PCDH15: variants seen among roughly 807,000 people sequenced by gnomAD.
PCDH15 encodes the protein protocadherin-15.
In PCDH15, 129 loss-of-function variants were observed where a neutral mutation model predicts 178.5. The ratio of observed to expected loss-of-function variants is 0.72; its 90% CI spans 0.63 to 0.84. The LOEUF (loss-of-function observed/expected upper bound fraction) is 0.84, where lower values mean the gene tolerates loss of function less well. PCDH15 is among the 40% of genes least tolerant of loss of function. The pLI, the probability that PCDH15 is intolerant of heterozygous loss-of-function variation, is 0.00. For missense variants in PCDH15, 2,230 were observed against 2,099.9 expected (o/e 1.06, Z -1.21); for synonymous variants, 800 against 732.0 (o/e 1.09, Z -1.50).
At chr10:54,531,385 A>T (rs1275891224) in intron 2 of PCDH15, among the ~76,000 whole-genome samples, 1 of 152,208 alleles carries the variant, frequency 6.6e-6, no homozygotes, top group Non-Finnish European at 1.5e-5. Flanking sequence ...TATATTTAAA[A>T]ATATTCATAT....
At chr10:55,090,042 T>C (rs1842276052) in intron 2 of PCDH15, among the ~76,000 whole-genome samples, 1 of 152,012 alleles carries the variant, frequency 6.6e-6, no homozygotes, top group South Asian at 2.1e-4. Flanking sequence ...AATGAGTAGT[T>C]AAAAGATTAA....
At chr10:54,035,830 C>T (rs1349041199) in intron 18 of PCDH15, among the ~76,000 whole-genome samples, 1 of 151,898 alleles carries the variant, frequency 6.6e-6, no homozygotes, top group African/African-American at 2.4e-5. Context: ...GCCAGTTAGC[C>T]ACATTGTGAA....
At chr10:54,612,779 A>G (rs75092427) in intron 2 of PCDH15, among the ~76,000 whole-genome samples, 2 of 151,784 alleles carry the variant, frequency 1.3e-5, no homozygotes, top group Admixed American at 1.3e-4. Context: ...TTATTAATTT[A>G]CACAGTATAA....
intron 1 of PCDH15, among the ~76,000 whole-genome samples, chr10:55,310,209 G>T (rs1423168663): frequency 6.6e-6 from 1 of 151,790 alleles, no homozygotes; most frequent in East Asian, 1.9e-4. Flanking sequence ...TTATAAGTCA[G>T]CCTTCTCCTC....
intron 9 of PCDH15, among the ~76,000 whole-genome samples, chr10:54,219,893 A>AT (rs1466406363): frequency 6.6e-6 from 1 of 151,986 alleles, no homozygotes; most frequent in African/African-American, 2.4e-5. Flanking sequence ...AAAATTATAT[A>AT]TTTTTTCAAA....
chr10:54,708,768 G>A (rs2095393975), intron 1 of PCDH15, among the ~76,000 whole-genome samples: 1 of 147,798 alleles, frequency 6.8e-6, no homozygotes, highest in African/African-American at 2.5e-5. Context: ...CCCCAATGCA[G>A]GCCAGAATAA....
At chr10:55,342,039 G>T (rs1427162269) in intron 2 of PCDH15, among the ~76,000 whole-genome samples, 3 of 149,752 alleles carry the variant, frequency 2.0e-5, no homozygotes, top group Admixed American at 2.0e-4. Context: ...CATCAGCCAG[G>T]TCAAAAAATT....
chr10:54,792,379 T>C (rs1210882738), intron 1 of PCDH15, among the ~76,000 whole-genome samples: 1 of 151,888 alleles, frequency 6.6e-6, no homozygotes, highest in Non-Finnish European at 1.5e-5. Context: ...ATTCATCTAC[T>C]CAAGGAGCTG....
At chr10:54,135,462 T>C (rs1453938557) in intron 14 of PCDH15, among the ~76,000 whole-genome samples, 1 of 152,182 alleles carries the variant, frequency 6.6e-6, no homozygotes, top group Non-Finnish European at 1.5e-5. Context: ...AGTTACAAAA[T>C]GTATTGTATA....
chr10:55,353,466 C>G (rs1375524279), intron 2 of PCDH15, among the ~76,000 whole-genome samples: 1 of 152,060 alleles, frequency 6.6e-6, no homozygotes, highest in Non-Finnish European at 1.5e-5. Flanking sequence ...TATCCTGGTT[C>G]TAGACCAGAA....
intron 1 of PCDH15, among the ~76,000 whole-genome samples, chr10:55,200,689 G>A (rs35430965): frequency 0.21 from 31,625 of 151,972 alleles, 3,539 homozygotes; most frequent in East Asian, 0.29. Context: ...AATTTCTAGC[G>A]TTGAAGGAAA....
intron 1 of PCDH15, among the ~76,000 whole-genome samples, chr10:55,200,724 A>T (rs1049768438): frequency 6.6e-6 from 1 of 152,028 alleles, no homozygotes; most frequent in African/African-American, 2.4e-5. Flanking sequence ...TGACTGGATT[A>T]TGGGGGCAGA....
At chr10:54,791,275 T>A (rs1481160870) in intron 1 of PCDH15, among the ~76,000 whole-genome samples, 3 of 151,934 alleles carry the variant, frequency 2.0e-5, no homozygotes, top group Non-Finnish European at 4.4e-5. Flanking sequence ...ATTTAGCAAG[T>A]CATTGGTGAC....
At chr10:53,926,450 C>T (rs556771866) in intron 25 of PCDH15, among the ~76,000 whole-genome samples, 6 of 152,246 alleles carry the variant, frequency 3.9e-5, no homozygotes, top group Admixed American at 2.6e-4. Flanking sequence ...TATTATTAAA[C>T]GAGTATCTCA....
At position 54,336,483 on chromosome 10, in the gene PCDH15, T is replaced by C. The variant is rs543379408; in HGVS notation, c.595-6777A>G. ...CAGCCTAGGAACTCGGTGCCCCGTG[T>C]CCCAGCTGCTCCAGCCATGGCTATA... On this transcript the variant is annotated intron_variant, in intron 6 of 37. Transcript: ENST00000644397. Among the ~76,000 whole-genome samples, 4 of 152,206 alleles carry C rather than the reference T, an allele frequency of 2.6e-5. No individual in the cohort carries two copies. In the South Asian group the frequency reaches 8.3e-4, roughly 32 times the overall value.
At chr10:54,833,624 C>G (rs571645592) in intron 3 of PCDH15, among the ~76,000 whole-genome samples, 2 of 152,252 alleles carry the variant, frequency 1.3e-5, no homozygotes, top group East Asian at 3.9e-4. Context: ...TGACAGCCCT[C>G]ACAGTCATGT....
chr10:54,450,678 C>T (rs1397547822), intron 3 of PCDH15, among the ~76,000 whole-genome samples: 1 of 151,548 alleles, frequency 6.6e-6, no homozygotes, highest in Non-Finnish European at 1.5e-5. Context: ...TATAGCGTTA[C>T]CCACAAAGGG....
At chr10:54,810,552 CA>C (rs35831846) in intron 3 of PCDH15, among the ~76,000 whole-genome samples, 17,139 of 151,888 alleles carry the variant, frequency 0.11, 980 homozygotes, top group Middle Eastern at 0.16. Context: ...AAATATGTCA[CA>C]AAAAAATAAT....
At chr10:53,808,274 G>T (rs1049827466) in intron 37 of PCDH15, 3 of 350,354 alleles carry the variant, frequency 8.6e-6, no homozygotes, top group Non-Finnish European at 1.2e-5. Flanking sequence ...ATTTGTTGAA[G>T]CTTGTCTTAG....
Sources: gnomAD v4.1 joint callset for allele counts (sites outside exome capture counted in the v4.1 genomes callset) on GRCh38, gnomAD v4.1.1 for gene constraint, MANE v1.5 for transcripts, NCBI Gene and HGNC (gene_info 2026-07-23, HGNC 2026-07-21) for gene names.